Variants in ARHGAP15 observed in about 807,000 individuals in gnomAD.
The protein encoded by ARHGAP15 is rho GTPase-activating protein 15.
In ARHGAP15, 51 loss-of-function variants were observed where a neutral mutation model predicts 63.7. The ratio of observed to expected loss-of-function variants is 0.80; its 90% CI spans 0.64 to 1.01. ARHGAP15 has a LOEUF of 1.01. ARHGAP15 is among the 50% of genes least tolerant of loss of function. The pLI is 0.00. For synonymous variants in ARHGAP15, 191 were observed against 193.8 expected (o/e 0.99, Z 0.12); for missense variants, 560 against 564.6 (o/e 0.99, Z 0.08).
At chr2:143,170,365 GAGACTACTTTGTAT>G (rs1558790962) in intron 2 of ARHGAP15, among the ~76,000 whole-genome samples, 1 of 152,142 alleles carries the variant, frequency 6.6e-6, no homozygotes, top group East Asian at 1.9e-4. Flanking sequence ...AACTTGATGA[GAGACTACTTTGTAT>G]TTAAGTGAAG....
chr2:143,356,426 T>A (rs1428216662), intron 6 of ARHGAP15, among the ~76,000 whole-genome samples: 1 of 152,090 alleles, frequency 6.6e-6, no homozygotes, highest in African/African-American at 2.4e-5. Flanking sequence ...CCCACCATGA[T>A]CTTTTATACT....
intron 12 of ARHGAP15, among the ~76,000 whole-genome samples, chr2:143,669,368 A>G (rs1327381320): frequency 6.6e-6 from 1 of 152,186 alleles, no homozygotes; most frequent in Non-Finnish European, 1.5e-5. Context: ...TCACTTACCT[A>G]TACCAAGATG....
intron 12 of ARHGAP15, among the ~76,000 whole-genome samples, chr2:143,668,963 C>G (rs1327991722): frequency 1.3e-5 from 2 of 152,178 alleles, no homozygotes; most frequent in African/African-American, 4.8e-5. Flanking sequence ...AGTCTTCTCT[C>G]TATAAAAGAA....
intron 11 of ARHGAP15, among the ~76,000 whole-genome samples, chr2:143,614,267 A>G (rs1051082074): frequency 2.6e-5 from 4 of 152,176 alleles, no homozygotes; most frequent in African/African-American, 4.8e-5. Flanking sequence ...AAGAAGTTAT[A>G]TAATAACATT....
In ARHGAP15 at chr2:143,145,839, GGTGTGTGTGTGT is replaced by G. The variant is rs4008348; in HGVS notation, c.-14-9609_-14-9598del. On this transcript the variant is annotated intron_variant, in intron 1 of 13. Transcript: ENST00000295095. ...TCCTTCCAATTTATATATGTATAGG[GGTGTGTGTGTGT>G]GTGTGTGTGTGTGTGTGTGTGTGTG... 3.8e-4 allele frequency among the ~76,000 whole-genome samples: 54 copies of G among 142,820 alleles called. No homozygotes were observed. In the South Asian group the frequency reaches 8.9e-3, roughly 24 times the overall value. 93.7% of individuals were successfully genotyped at this position (142,820 alleles called of 152,430 possible). A position where few individuals can be genotyped will look rare whatever the true frequency, so the allele number is the denominator to read the frequency against.
At chr2:143,731,749 C>A (rs1685546918) in intron 13 of ARHGAP15, among the ~76,000 whole-genome samples, 1 of 152,144 alleles carries the variant, frequency 6.6e-6, no homozygotes, top group South Asian at 2.1e-4. Flanking sequence ...TTTTTTGATT[C>A]TTGCAGAATA....
chr2:143,630,139 T>C (rs1318645494), intron 12 of ARHGAP15, among the ~76,000 whole-genome samples: 1 of 152,098 alleles, frequency 6.6e-6, no homozygotes, highest in African/African-American at 2.4e-5. Context: ...ATTTCAGTAT[T>C]GGAGTTTTAG....
intron 9 of ARHGAP15, among the ~76,000 whole-genome samples, chr2:143,503,438 G>C (rs1246625562): frequency 2.6e-5 from 4 of 152,164 alleles, no homozygotes; most frequent in African/African-American, 9.7e-5. Flanking sequence ...ACTTGGCTCT[G>C]CTACTTACTT....
At chr2:143,407,551 A>G (rs1486041590) in intron 6 of ARHGAP15, among the ~76,000 whole-genome samples, 1 of 151,604 alleles carries the variant, frequency 6.6e-6, no homozygotes, top group African/African-American at 2.4e-5. Context: ...CAAACCAAAT[A>G]CCCTGGGATG....
intron 6 of ARHGAP15, among the ~76,000 whole-genome samples, chr2:143,391,495 T>C (rs988969965): frequency 1.3e-5 from 2 of 152,214 alleles, no homozygotes; most frequent in African/African-American, 2.4e-5. Context: ...TTTTATTTTC[T>C]TGGTTTTGGG....
At chr2:143,403,779 A>T (rs1340126808) in intron 6 of ARHGAP15, among the ~76,000 whole-genome samples, 1 of 151,868 alleles carries the variant, frequency 6.6e-6, no homozygotes. Flanking sequence ...TTGTAAAATA[A>T]TCGTTCTATA....
chr2:143,599,314 A>T (rs1697665237), intron 11 of ARHGAP15, among the ~76,000 whole-genome samples: 1 of 152,170 alleles, frequency 6.6e-6, no homozygotes, highest in Non-Finnish European at 1.5e-5. Flanking sequence ...GAGAGCTTTA[A>T]TAGTGTTGTT....
At chr2:143,690,030 A>T (rs1359581713) in intron 12 of ARHGAP15, among the ~76,000 whole-genome samples, 1 of 152,218 alleles carries the variant, frequency 6.6e-6, no homozygotes, top group African/African-American at 2.4e-5. Context: ...GTGTAGGAAA[A>T]AGCTGCCCAG....
At chr2:143,428,773 A>G (rs1326305561) in intron 6 of ARHGAP15, among the ~76,000 whole-genome samples, 1 of 152,042 alleles carries the variant, frequency 6.6e-6, no homozygotes, top group Non-Finnish European at 1.5e-5. Context: ...TTACCTACAT[A>G]AGGACAGTAA....
intron 2 of ARHGAP15, among the ~76,000 whole-genome samples, chr2:143,161,230 G>A (rs1322708872): frequency 6.6e-6 from 1 of 151,884 alleles, no homozygotes; most frequent in Admixed American, 6.6e-5. Context: ...GTCAGACCTT[G>A]ACTGCCATTA....
chr2:143,762,668 A>G (rs2105552853), intron 13 of ARHGAP15, among the ~76,000 whole-genome samples: 1 of 152,230 alleles, frequency 6.6e-6, no homozygotes, highest in East Asian at 1.9e-4. Flanking sequence ...GATTCAAGTA[A>G]TTTAGGGAGG....
At chr2:143,320,403 T>C (rs1385263367) in intron 6 of ARHGAP15, among the ~76,000 whole-genome samples, 19 of 8,982 alleles carry the variant, frequency 2.1e-3, no homozygotes, top group South Asian at 6.6e-3. Context: ...AATCAGGACT[T>C]CCCCACCCCC....
chr2:143,142,896 G>C (rs1486214883), intron 1 of ARHGAP15, among the ~76,000 whole-genome samples: 1 of 152,070 alleles, frequency 6.6e-6, no homozygotes, highest in Non-Finnish European at 1.5e-5. Flanking sequence ...AAACAAGACA[G>C]AGAAGAAAAA....
chr2:143,209,891 A>G (rs1173481588), intron 3 of ARHGAP15, among the ~76,000 whole-genome samples: 1 of 152,158 alleles, frequency 6.6e-6, no homozygotes, highest in East Asian at 1.9e-4. Flanking sequence ...TGAAACACAG[A>G]AACAAATGAC....
Sources: gnomAD v4.1 joint callset for allele counts (sites outside exome capture counted in the v4.1 genomes callset) on GRCh38, gnomAD v4.1.1 for gene constraint, MANE v1.5 for transcripts, NCBI Gene and HGNC (gene_info 2026-07-23, HGNC 2026-07-21) for gene names.